SNTG1: variants seen among roughly 807,000 people sequenced by gnomAD.
SNTG1 encodes the protein syntrophin gamma 1.
A neutral mutation model predicts 74.7 loss-of-function variants in SNTG1; 39 were observed. The ratio of observed to expected loss-of-function variants is 0.52; its 90% CI spans 0.40 to 0.68. The LOEUF (loss-of-function observed/expected upper bound fraction) is 0.68. Ranked by LOEUF, SNTG1 falls within the 30% of genes least tolerant of loss-of-function variation. The pLI is 0.00. For missense variants in SNTG1, 685 were observed against 609.5 expected, an observed-to-expected ratio of 1.12 and a Z score of -1.30; for synonymous variants, 254 against 217.1, an observed-to-expected ratio of 1.17 and a Z score of -1.49.
At chr8:50,089,533 C>A (rs2079632065) in intron 1 of SNTG1, among the ~76,000 whole-genome samples, 1 of 152,030 alleles carries the variant, frequency 6.6e-6, no homozygotes, top group Non-Finnish European at 1.5e-5. Context: ...TATCCAGAAT[C>A]TACAATGAAC....
chr8:50,630,709 A>T (rs1328796250), intron 13 of SNTG1, among the ~76,000 whole-genome samples: 1 of 152,138 alleles, frequency 6.6e-6, no homozygotes, highest in Non-Finnish European at 1.5e-5. Context: ...AACTGATGGA[A>T]TTTTTTTACT....
At chr8:50,655,953 G>T (rs542801285) in intron 13 of SNTG1, among the ~76,000 whole-genome samples, 4 of 152,222 alleles carry the variant, frequency 2.6e-5, no homozygotes, top group African/African-American at 9.6e-5. Context: ...CTGGGTATGA[G>T]TTTTTCATGA....
intron 9 of SNTG1, among the ~76,000 whole-genome samples, chr8:50,517,885 TAGAC>T (rs2094147448): frequency 6.6e-6 from 1 of 152,068 alleles, no homozygotes; most frequent in South Asian, 2.1e-4. Context: ...CTGTCAATAT[TAGAC>T]AGATCAAGAG....
intron 1 of SNTG1, among the ~76,000 whole-genome samples, chr8:50,120,083 C>G (rs1262092493): frequency 7.1e-6 from 1 of 141,708 alleles, no homozygotes; most frequent in Admixed American, 7.3e-5. Context: ...ACCTTGGACA[C>G]ATTGCATAAC....
At chr8:50,009,681 T>A (rs1027619771) in intron 1 of SNTG1, among the ~76,000 whole-genome samples, 1 of 152,178 alleles carries the variant, frequency 6.6e-6, no homozygotes, top group African/African-American at 2.4e-5. Context: ...TTGCAAAGTG[T>A]CAAGTATTAT....
intron 18 of SNTG1, among the ~76,000 whole-genome samples, chr8:50,760,730 G>T (rs1269750732): frequency 1.3e-5 from 2 of 151,936 alleles, no homozygotes; most frequent in Non-Finnish European, 2.9e-5. Flanking sequence ...TACCCTCAGA[G>T]AATACTATAA....
chr8:50,686,353 G>A (rs1314304792), intron 15 of SNTG1, among the ~76,000 whole-genome samples: 2 of 152,126 alleles, frequency 1.3e-5, no homozygotes, highest in Non-Finnish European at 2.9e-5. Flanking sequence ...ACTTATCAAT[G>A]TGTTTGAGAC....
intron 1 of SNTG1, among the ~76,000 whole-genome samples, chr8:49,992,436 T>G (rs531702616): frequency 6.6e-6 from 1 of 152,290 alleles, no homozygotes; most frequent in African/African-American, 2.4e-5. Flanking sequence ...TTGGGGAAAA[T>G]TTTTTATTTC....
intron 11 of SNTG1, among the ~76,000 whole-genome samples, chr8:50,545,347 G>A (rs2094379503): frequency 6.6e-6 from 1 of 151,360 alleles, no homozygotes. Flanking sequence ...ATATTGCAGT[G>A]TCAAGGGCAT....
In SNTG1 at chr8:50,016,742, T is replaced by C. The variant is rs368076460; in HGVS notation, c.-103+104511T>C. Among the ~76,000 whole-genome samples the C allele has an allele frequency of 2.0e-5, 3 of 152,132 alleles. No individual in the cohort carries two copies. In the East Asian group the frequency reaches 5.8e-4, roughly 29 times the overall value. ...TAAACATAAAATAAACAGAAAGTAA[T>C]AAGTCATTAGCAAAATAACATAAAG... On this transcript the variant is annotated intron_variant, in intron 1 of 18. Coordinates refer to ENST00000642720, the MANE Select transcript of SNTG1 (RefSeq NM_018967.5).
At chr8:50,419,846 T>C (rs554954386) in intron 4 of SNTG1, among the ~76,000 whole-genome samples, 2 of 151,780 alleles carry the variant, frequency 1.3e-5, no homozygotes, top group Admixed American at 1.3e-4. Flanking sequence ...CCAAAAAAAA[T>C]TCAAAATTAT....
intron 17 of SNTG1, among the ~76,000 whole-genome samples, chr8:50,735,147 T>G (rs2095525015): frequency 6.6e-6 from 1 of 151,444 alleles, no homozygotes; most frequent in South Asian, 2.1e-4. Flanking sequence ...TACTCATTCT[T>G]CCTGCCCGAC....
chr8:50,628,104 T>G (rs1379732148), intron 13 of SNTG1, among the ~76,000 whole-genome samples: 1 of 152,188 alleles, frequency 6.6e-6, no homozygotes, highest in Non-Finnish European at 1.5e-5. Context: ...AGATCAAATA[T>G]GTATTTCACA....
At position 50,279,856 on chromosome 8, in the gene SNTG1, G is replaced by T. The variant is rs1289060166; in HGVS notation, c.-28+107221G>T. Reference sequence around the variant, plus strand: ...GAAAAGTACAGTGAAAAAGAACAAAGTCTGTTATGTGGACTTCAATCAATG... The same window carrying T: ...GAAAAGTACAGTGAAAAAGAACAAATTCTGTTATGTGGACTTCAATCAATG... On this transcript the variant is annotated intron_variant, in intron 2 of 18. Coordinates refer to ENST00000642720, the MANE Select transcript of SNTG1 (RefSeq NM_018967.5). 2.0e-5 allele frequency among the ~76,000 whole-genome samples: 3 copies of T among 152,256 alleles called. No individual in the cohort carries two copies. In the East Asian group the frequency reaches 5.8e-4, roughly 29 times the overall value.
rs2095694964 is a variant in SNTG1 at position 50,792,799 on chromosome 8, T to C, written c.1524T>C (p.Ala508=). 6.2e-7 allele frequency: 1 copy of C among 1,612,216 alleles called. No homozygotes were observed. Among genetic ancestry groups the C allele is most frequent in the African/African-American group, 1.3e-5 (1 of 74,938 alleles). The change falls in exon 19 of 19, where the codon GCT becomes GCC. Residue 508 remains alanine (A), a synonymous_variant. Transcript: ENST00000642720. ...CTGCTTCTACTGCTGCCAGCTCTGC[T>C]ACCACGAGCAAAGCAAAGTATACAA... ...QATASTAASS[A]TTSKAKYTT
chr8:50,355,690 T>C (rs1182695064), intron 2 of SNTG1, among the ~76,000 whole-genome samples: 1 of 152,228 alleles, frequency 6.6e-6, no homozygotes, highest in African/African-American at 2.4e-5. Flanking sequence ...TGCTCAAAAT[T>C]TTAAAATTTA....
chr8:50,148,645 G>T (rs2081957029), intron 1 of SNTG1, among the ~76,000 whole-genome samples: 1 of 152,108 alleles, frequency 6.6e-6, no homozygotes, highest in Admixed American at 6.5e-5. Context: ...GTGAGAACAT[G>T]CGGTGTTTGG....
At chr8:50,492,271 A>T (rs1233304960) in intron 8 of SNTG1, among the ~76,000 whole-genome samples, 1 of 152,300 alleles carries the variant, frequency 6.6e-6, no homozygotes, top group South Asian at 2.1e-4. Context: ...TTGGTGGGTT[A>T]AATGGTATTT....
intron 2 of SNTG1, among the ~76,000 whole-genome samples, chr8:50,384,181 T>C (rs1416699393): frequency 6.6e-6 from 1 of 152,164 alleles, no homozygotes; most frequent in African/African-American, 2.4e-5. Context: ...AAATGCCACC[T>C]GGCTGATGCC....
Sources: gnomAD v4.1 joint callset for allele counts (sites outside exome capture counted in the v4.1 genomes callset) on GRCh38, gnomAD v4.1.1 for gene constraint, MANE v1.5 for transcripts, NCBI Gene and HGNC (gene_info 2026-07-23, HGNC 2026-07-21) for gene names.